CNTNAP5: variants seen among roughly 807,000 people sequenced by gnomAD.
The protein encoded by CNTNAP5 is contactin-associated protein-like 5.
In CNTNAP5, 72 loss-of-function variants were observed where a neutral mutation model predicts 150.2. That is an observed-to-expected ratio of 0.48 (90% CI 0.40 to 0.58). The LOEUF (loss-of-function observed/expected upper bound fraction) is 0.58. CNTNAP5 is among the 20% of genes least tolerant of loss of function. CNTNAP5 has a pLI of 0.00. For synonymous variants in CNTNAP5, 672 were observed against 619.8 expected (o/e 1.08, Z -1.25); for missense variants, 1,636 against 1,626.2 (o/e 1.01, Z -0.10).
intron 8 of CNTNAP5, among the ~76,000 whole-genome samples, chr2:124,509,525 A>G (rs1439633345): frequency 6.6e-6 from 1 of 152,196 alleles, no homozygotes; most frequent in Non-Finnish European, 1.5e-5. Context: ...AAAACTGTAA[A>G]AAAACTCATA....
chr2:124,486,731 C>T (rs1693889133), intron 7 of CNTNAP5, among the ~76,000 whole-genome samples: 1 of 152,098 alleles, frequency 6.6e-6, no homozygotes, highest in South Asian at 2.1e-4. Context: ...TAGGCCTAGG[C>T]TCTTGTAATT....
chr2:124,319,417 A>C (rs1251339907), intron 3 of CNTNAP5, among the ~76,000 whole-genome samples: 1 of 152,234 alleles, frequency 6.6e-6, no homozygotes, highest in Non-Finnish European at 1.5e-5. Context: ...CCTTCTGGTC[A>C]CATGAAGAAA....
At chr2:124,781,843 C>T (rs1681459714) in intron 17 of CNTNAP5, among the ~76,000 whole-genome samples, 1 of 152,164 alleles carries the variant, frequency 6.6e-6, no homozygotes, top group African/African-American at 2.4e-5. Context: ...CTTTTATCTC[C>T]CATCCTTTCA....
At chr2:124,507,745 A>T (rs940378730) in intron 8 of CNTNAP5, among the ~76,000 whole-genome samples, 8 of 152,304 alleles carry the variant, frequency 5.3e-5, no homozygotes, top group Admixed American at 5.2e-4. Context: ...AGTCCCCCAC[A>T]AAAGACAGCT....
chr2:124,498,008 T>C (rs1694191430), intron 7 of CNTNAP5, among the ~76,000 whole-genome samples: 1 of 152,216 alleles, frequency 6.6e-6, no homozygotes, highest in Non-Finnish European at 1.5e-5. Flanking sequence ...GACACTCCTG[T>C]CCATCAGTCA....
intron 1 of CNTNAP5, among the ~76,000 whole-genome samples, chr2:124,197,731 C>A (rs2104704038): frequency 6.6e-6 from 1 of 152,246 alleles, no homozygotes; most frequent in Non-Finnish European, 1.5e-5. Context: ...CATGTAATCC[C>A]AGCACTTTGG....
intron 19 of CNTNAP5, among the ~76,000 whole-genome samples, chr2:124,845,951 T>C (rs62173263): frequency 0.048 from 7,339 of 151,648 alleles, 508 homozygotes; most frequent in African/African-American, 0.16. Flanking sequence ...TTTTTTTTCA[T>C]CTATCTTCTG....
intron 3 of CNTNAP5, among the ~76,000 whole-genome samples, chr2:124,399,064 C>G (rs1691338633): frequency 6.6e-6 from 1 of 152,132 alleles, no homozygotes. Context: ...AAAGATTTTT[C>G]CTCCTTTCTC....
chr2:124,047,510 T>A (rs148975608), intron 1 of CNTNAP5, among the ~76,000 whole-genome samples: 1 of 152,220 alleles, frequency 6.6e-6, no homozygotes, highest in Admixed American at 6.5e-5. Context: ...TTGTGTATAA[T>A]CATATTGGAA....
At chr2:124,686,510 A>G (rs1308404350) in intron 13 of CNTNAP5, among the ~76,000 whole-genome samples, 1 of 152,086 alleles carries the variant, frequency 6.6e-6, no homozygotes, top group Admixed American at 6.6e-5. Flanking sequence ...GGTACCGGAG[A>G]GAGGGAAAGA....
At chr2:124,775,894 G>A (rs1681311583) in intron 17 of CNTNAP5, among the ~76,000 whole-genome samples, 1 of 152,136 alleles carries the variant, frequency 6.6e-6, no homozygotes, top group Non-Finnish European at 1.5e-5. Context: ...ATCAATGTGA[G>A]GATGAGGCAA....
chr2:124,075,799 T>G (rs1032152561), intron 1 of CNTNAP5, among the ~76,000 whole-genome samples: 8 of 152,320 alleles, frequency 5.3e-5, no homozygotes, highest in African/African-American at 1.9e-4. Flanking sequence ...CTGGTCATGC[T>G]GTGCATCTCT....
At chr2:124,056,475 A>C (rs1681849595) in intron 1 of CNTNAP5, among the ~76,000 whole-genome samples, 1 of 152,056 alleles carries the variant, frequency 6.6e-6, no homozygotes, top group Admixed American at 6.5e-5. Flanking sequence ...ATACAAAAAA[A>C]AAGAAAAAAA....
chr2:124,779,975 G>C (rs1681415965), intron 17 of CNTNAP5, among the ~76,000 whole-genome samples: 1 of 152,116 alleles, frequency 6.6e-6, no homozygotes, highest in Non-Finnish European at 1.5e-5. Flanking sequence ...TCTGGGACCA[G>C]TAAAGGTTTT....
chr2:124,425,150 A>G (rs966999447), intron 4 of CNTNAP5, among the ~76,000 whole-genome samples: 3 of 152,168 alleles, frequency 2.0e-5, no homozygotes, highest in Admixed American at 6.5e-5. Flanking sequence ...GGAGTGATTG[A>G]CCGTGACTCC....
At chr2:124,882,749 A>G (rs1312410156) in intron 21 of CNTNAP5, among the ~76,000 whole-genome samples, 1 of 152,050 alleles carries the variant, frequency 6.6e-6, no homozygotes, top group African/African-American at 2.4e-5. Context: ...AGATTGGGTA[A>G]TTTATAAAGA....
intron 12 of CNTNAP5, among the ~76,000 whole-genome samples, chr2:124,621,028 T>C (rs1343868821): frequency 2.0e-5 from 3 of 152,146 alleles, no homozygotes; most frequent in Non-Finnish European, 4.4e-5. Context: ...CTGCTGGGAC[T>C]CCTTCAATAT....
intron 11 of CNTNAP5, among the ~76,000 whole-genome samples, chr2:124,572,502 T>C (rs1266910353): frequency 6.6e-6 from 1 of 152,120 alleles, no homozygotes; most frequent in Non-Finnish European, 1.5e-5. Context: ...AAAGAAGAGA[T>C]TGGACCTGGG....
intron 19 of CNTNAP5, among the ~76,000 whole-genome samples, chr2:124,829,283 T>G (rs2104679041): frequency 6.6e-6 from 1 of 152,282 alleles, no homozygotes; most frequent in Admixed American, 6.5e-5. Context: ...GATCCCCCCT[T>G]TGATCATAAA....
Sources: allele counts gnomAD v4.1 joint callset (sites outside exome capture counted in the v4.1 genomes callset), GRCh38; gene constraint gnomAD v4.1.1; transcripts MANE v1.5; gene names NCBI Gene and HGNC (gene_info 2026-07-23, HGNC 2026-07-21).